Variants in PPFIA2 observed in about 807,000 individuals in gnomAD.
PPFIA2 encodes PPFI scaffold protein A2.
A neutral mutation model predicts 175.5 loss-of-function variants in PPFIA2; 46 were observed. The ratio of observed to expected loss-of-function variants is 0.26; its 90% CI spans 0.21 to 0.34. PPFIA2 has a LOEUF of 0.34. Among genes scored for constraint, PPFIA2 ranks in the 10% least tolerant of loss-of-function variants. The probability of loss-of-function intolerance (pLI) is 1.00; values close to 1 mark genes in which losing one functional copy is unlikely to be tolerated. For synonymous variants in PPFIA2, 568 were observed against 511.4 expected, an observed-to-expected ratio of 1.11 and a Z score of -1.49; for missense variants, 1,179 against 1,506.1, an observed-to-expected ratio of 0.78 and a Z score of 3.60.
chr12:81,649,050 A>C (rs1369537732), intron 4 of PPFIA2, among the ~76,000 whole-genome samples: 1 of 152,060 alleles, frequency 6.6e-6, no homozygotes, highest in Admixed American at 6.5e-5. Flanking sequence ...AATCTTTGTC[A>C]CCTTTATTTA....
At chr12:81,535,650 C>T in intron 4 of PPFIA2, 1 of 313,620 alleles carries the variant, frequency 3.2e-6, no homozygotes, top group South Asian at 2.7e-5. Flanking sequence ...CATACACACA[C>T]ACACACAAAA....
At chr12:81,630,269 T>C (rs1272219299) in intron 4 of PPFIA2, among the ~76,000 whole-genome samples, 1 of 152,198 alleles carries the variant, frequency 6.6e-6, no homozygotes, top group African/African-American at 2.4e-5. Context: ...TAATTTGTTG[T>C]AGGTGCAAGA....
At chr12:81,397,054 G>A (rs564475259) in intron 8 of PPFIA2, among the ~76,000 whole-genome samples, 29 of 152,138 alleles carry the variant, frequency 1.9e-4, no homozygotes, top group African/African-American at 5.8e-4. Flanking sequence ...TATCAAATAC[G>A]TAAGCTTTTG....
chr12:81,553,001 A>C (rs1169756309), intron 4 of PPFIA2, among the ~76,000 whole-genome samples: 2 of 151,972 alleles, frequency 1.3e-5, no homozygotes. Flanking sequence ...ATCACTGAGG[A>C]CACAGAAATC....
At chr12:81,309,527 A>T (rs1249602024) in intron 22 of PPFIA2, among the ~76,000 whole-genome samples, 3 of 152,112 alleles carry the variant, frequency 2.0e-5, no homozygotes, top group Non-Finnish European at 4.4e-5. Flanking sequence ...GATTTTGTGT[A>T]TGTGCAAGTG....
At chr12:81,536,890 G>A (rs1013754015) in intron 4 of PPFIA2, among the ~76,000 whole-genome samples, 9 of 149,744 alleles carry the variant, frequency 6.0e-5, no homozygotes, top group Admixed American at 4.0e-4. Context: ...AGAAAAACAC[G>A]CTATATTTCA....
chr12:81,267,114 A>G, intron 29 of PPFIA2, 94 bp from the exon 30 acceptor site: 1 of 953,754 alleles, frequency 1.0e-6, no homozygotes, highest in Non-Finnish European at 1.6e-6. Context: ...ATTATAAACC[A>G]TACTTTATTT....
At chr12:81,688,451 A>C (rs879293414) in intron 3 of PPFIA2, among the ~76,000 whole-genome samples, 3 of 151,942 alleles carry the variant, frequency 2.0e-5, no homozygotes, top group Non-Finnish European at 4.4e-5. Flanking sequence ...CTAATTTATA[A>C]TTAAGTCTTC....
At chr12:81,642,713 T>TATAATATATACATACAC (rs1567687709) in intron 4 of PPFIA2, among the ~76,000 whole-genome samples, 4 of 98,092 alleles carry the variant, frequency 4.1e-5, no homozygotes, top group African/African-American at 1.4e-4. Context: ...TATGTATGTA[T>TATAATATATACATACAC]GTATTATATA....
chr12:81,446,874 G>T (rs74104278), intron 5 of PPFIA2, among the ~76,000 whole-genome samples: 10,187 of 152,010 alleles, frequency 0.067, 476 homozygotes, highest in African/African-American at 0.14. Flanking sequence ...TTTTTTGGTT[G>T]ATTTCTCTAC....
intron 3 of PPFIA2, among the ~76,000 whole-genome samples, chr12:81,707,433 A>T (rs1386189072): frequency 1.3e-5 from 2 of 152,226 alleles, no homozygotes; most frequent in Non-Finnish European, 2.9e-5. Flanking sequence ...GCTCACCATC[A>T]CTGGCCATCA....
chr12:81,708,613 A>G (rs2077506298), intron 3 of PPFIA2, among the ~76,000 whole-genome samples: 1 of 152,176 alleles, frequency 6.6e-6, no homozygotes, highest in Non-Finnish European at 1.5e-5. Flanking sequence ...GATTGTTACT[A>G]TCTACTTTGT....
chr12:81,517,395 C>G lies in PPFIA2; in HGVS notation c.304-59529G>C. Among the ~76,000 whole-genome samples, 2 of 152,120 alleles carry G rather than the reference C, an allele frequency of 1.3e-5. 1 individual carries two copies. Among genetic ancestry groups the G allele is most frequent in the East Asian group, 3.9e-4 (2 of 5,182 alleles). ...GAGGAAGGATATGTAGCTGTAGCAG[C>G]TCCAGAAACCCAGCATGTCTTCTAC... is the stretch of plus-strand genomic sequence containing the variant. On this transcript the variant is annotated intron_variant, in intron 4 of 32. Coordinates refer to ENST00000549396, the MANE Select transcript of PPFIA2 (RefSeq NM_003625.5).
At chr12:81,639,592 T>C (rs994862162) in intron 4 of PPFIA2, among the ~76,000 whole-genome samples, 2 of 151,896 alleles carry the variant, frequency 1.3e-5, no homozygotes, top group East Asian at 1.9e-4. Context: ...TAAAATATAA[T>C]GTATTATGCA....
intron 7 of PPFIA2, among the ~76,000 whole-genome samples, chr12:81,421,436 A>T (rs2046226553): frequency 6.6e-6 from 1 of 152,056 alleles, no homozygotes; most frequent in Non-Finnish European, 1.5e-5. Flanking sequence ...TTTTGTATTC[A>T]ATTGAAGTTA....
intron 3 of PPFIA2, among the ~76,000 whole-genome samples, chr12:81,677,822 G>A (rs1329367559): frequency 1.3e-5 from 2 of 151,884 alleles, no homozygotes; most frequent in African/African-American, 4.8e-5. Context: ...GAAATGGTGT[G>A]ATAAGCTGTA....
chr12:81,470,912 C>T (rs935296063), intron 4 of PPFIA2, among the ~76,000 whole-genome samples: 3 of 152,064 alleles, frequency 2.0e-5, no homozygotes, highest in Non-Finnish European at 2.9e-5. Flanking sequence ...CCCACATACC[C>T]CTTCCCCCAT....
chr12:81,462,725 C>G (rs896697968), intron 4 of PPFIA2, among the ~76,000 whole-genome samples: 5 of 151,098 alleles, frequency 3.3e-5, no homozygotes, highest in Admixed American at 2.0e-4. Flanking sequence ...AATAGGCTAG[C>G]TCTAGTGCTG....
chr12:81,278,110 T>G (rs1184462945), intron 27 of PPFIA2, among the ~76,000 whole-genome samples: 1 of 152,086 alleles, frequency 6.6e-6, no homozygotes, highest in Non-Finnish European at 1.5e-5. Flanking sequence ...AAACCCATGC[T>G]AGGAAGTAAG....
Sources: gnomAD v4.1 joint callset for allele counts (sites outside exome capture counted in the v4.1 genomes callset) on GRCh38, gnomAD v4.1.1 for gene constraint, MANE v1.5 for transcripts, NCBI Gene and HGNC (gene_info 2026-07-23, HGNC 2026-07-21) for gene names.